RPAP2: variants seen among roughly 807,000 people sequenced by gnomAD.
The protein encoded by RPAP2 is RNA polymerase II associated protein 2, also known as putative RNA polymerase II subunit B1 CTD phosphatase RPAP2.
A neutral mutation model predicts 73.1 loss-of-function variants in RPAP2; 52 were observed. The ratio of observed to expected loss-of-function variants is 0.71; its 90% CI spans 0.57 to 0.90. The LOEUF is 0.90. Among genes scored for constraint, RPAP2 ranks in the 40% least tolerant of loss-of-function variants. The pLI, the probability that RPAP2 is intolerant of heterozygous loss-of-function variation, is 0.00. For synonymous variants in RPAP2, 225 were observed against 242.1 expected (o/e 0.93, Z 0.65); for missense variants, 598 against 701.8 (o/e 0.85, Z 1.67).
At position 92,380,810 on chromosome 1, in the gene RPAP2, ATCTAAAAAATGAAGACCTTGAAAG is replaced by A. The variant is rs1165347275; in HGVS notation, c.1781_1804del (p.Lys594_Leu601del). 6.2e-7 allele frequency: 1 copy of A among 1,607,694 alleles called. No individual in the cohort carries two copies. Among genetic ancestry groups the A allele is most frequent in the African/African-American group, 1.3e-5 (1 of 74,494 alleles). ...CTAGACACCCTCCTTGAAGAATTAC[ATCTAAAAAATGAAGACCTTGAAAG>A]TCTAACCATCATATTTAGAACCAGC... On this transcript the variant is annotated inframe_deletion, in exon 12 of 13. Coordinates refer to ENST00000610020, the MANE Select transcript of RPAP2 (RefSeq NM_024813.3).
rs1368229567 is a variant in RPAP2, at chr1:92,400,421, G to C, written c.*13410G>C. ...TATAGCCTCAGACTCCTGGCCTCAA[G>C]CGATCCTCCCACCTCAACCTCCAGA... On this transcript the variant is annotated 3_prime_UTR_variant, in exon 13 of 13. Coordinates refer to ENST00000610020, the MANE Select transcript of RPAP2 (RefSeq NM_024813.3). The C allele has an allele frequency of 6.6e-6, 1 of 152,360 alleles. No homozygotes were observed. Among genetic ancestry groups the C allele is most frequent in the Non-Finnish European group, 1.5e-5 (1 of 68,210 alleles). 9.4% of individuals were successfully genotyped at this position (152,360 alleles called of 1,614,324 possible). A position where few individuals can be genotyped will look rare whatever the true frequency, so the allele number is the denominator to read the frequency against.
At chr1:92,330,660 C>T (rs912040927) in intron 8 of RPAP2, among the ~76,000 whole-genome samples, 2 of 151,802 alleles carry the variant, frequency 1.3e-5, no homozygotes, top group Non-Finnish European at 2.9e-5. Context: ...TTGGCCAGGC[C>T]AGGTTGGTCT....
chr1:92,324,473 T>G lies in RPAP2; in HGVS notation c.1455+98T>G, dbSNP rs1471727757. 2.1e-5 allele frequency: 19 copies of G among 924,900 alleles called. No individual in the cohort carries two copies. The East Asian group carries it at 4.9e-4, about 24-fold the overall frequency. The allele number at this position is 924,900 out of a possible 1,614,324, so 57.3% of individuals were successfully genotyped here. On this transcript the variant is annotated intron_variant, in intron 8 of 12. Coordinates refer to ENST00000610020, the MANE Select transcript of RPAP2 (RefSeq NM_024813.3). ...AGGAAGGATATTGAAGAGTTAATTGTTAAATTTTCAAATAGTTTCTTTAGT... is the reference window on the plus strand; with the variant it reads ...AGGAAGGATATTGAAGAGTTAATTGGTAAATTTTCAAATAGTTTCTTTAGT...
intron 7 of RPAP2, among the ~76,000 whole-genome samples, chr1:92,322,643 G>C (rs890715134): frequency 3.9e-5 from 6 of 152,052 alleles, no homozygotes; most frequent in African/African-American, 1.2e-4. Flanking sequence ...GGGAGGCCAA[G>C]GTGGGCAAAT....
chr1:92,347,903 G>C (rs1653989532), intron 11 of RPAP2, among the ~76,000 whole-genome samples: 1 of 152,046 alleles, frequency 6.6e-6, no homozygotes, highest in Non-Finnish European at 1.5e-5. Context: ...TTCATATTGG[G>C]CAATCAATCT....
chr1:92,356,969 G>C (rs767655555), intron 11 of RPAP2, among the ~76,000 whole-genome samples: 5 of 151,886 alleles, frequency 3.3e-5, no homozygotes, highest in Non-Finnish European at 5.9e-5. Flanking sequence ...AGGATGCTGA[G>C]ACAGGAGAAT....
chr1:92,326,367 G>A (rs895915383), intron 8 of RPAP2, among the ~76,000 whole-genome samples: 5 of 152,172 alleles, frequency 3.3e-5, no homozygotes, highest in African/African-American at 1.2e-4. Context: ...GGAGATGGCA[G>A]GGGGGTGAAA....
chr1:92,361,060 T>C (rs995519393), intron 11 of RPAP2, among the ~76,000 whole-genome samples: 1 of 149,554 alleles, frequency 6.7e-6, no homozygotes, highest in African/African-American at 2.5e-5. Flanking sequence ...AACATGTAAT[T>C]TACCAAAAGC....
In RPAP2 at chr1:92,401,555, A is replaced by C. The variant is rs1440875280; in HGVS notation, c.*14544A>C. 3 of 152,206 alleles carry C rather than the reference A, an allele frequency of 2.0e-5. No individual in the cohort carries two copies. The highest frequency in any genetic ancestry group is 4.4e-5 in the Non-Finnish European group (3 of 68,032). 9.4% of individuals were successfully genotyped at this position (152,206 alleles called of 1,614,324 possible). A position where few individuals can be genotyped will look rare whatever the true frequency, so the allele number is the denominator to read the frequency against. ...CCTTACTGCCCTGGTTAGGACCTTC[A>C]GAACAATACTGGATATAAGTGGTGA... On this transcript the variant is annotated 3_prime_UTR_variant, in exon 13 of 13. Coordinates refer to ENST00000610020, the MANE Select transcript of RPAP2 (RefSeq NM_024813.3).
At chr1:92,326,579 T>C (rs1486226279) in intron 8 of RPAP2, among the ~76,000 whole-genome samples, 1 of 152,076 alleles carries the variant, frequency 6.6e-6, no homozygotes, top group East Asian at 1.9e-4. Context: ...AGGACCGTCA[T>C]GGGGGCAGGG....
chr1:92,312,649 T>C (rs1348611183), intron 6 of RPAP2, among the ~76,000 whole-genome samples: 2 of 152,114 alleles, frequency 1.3e-5, no homozygotes, highest in East Asian at 1.9e-4. Flanking sequence ...ATCTTCAAGC[T>C]CCACTTCTAA....
At chr1:92,373,754 A>T (rs990349936) in intron 11 of RPAP2, among the ~76,000 whole-genome samples, 3,137 of 145,002 alleles carry the variant, frequency 0.022, 120 homozygotes, top group African/African-American at 0.06. Flanking sequence ...AAAAAAAAAA[A>T]AAAAAAAAAA....
chr1:92,357,384 T>C (rs1048334121), intron 11 of RPAP2, among the ~76,000 whole-genome samples: 9 of 152,172 alleles, frequency 5.9e-5, no homozygotes, highest in African/African-American at 2.2e-4. Context: ...AAAGATCTGT[T>C]TGGGGGGCCA....
Position 92,331,184 on chromosome 1 carries a change from T to C in RPAP2, c.1456-2207T>C, listed in dbSNP as rs574308860. ...TGTCTTCCTGGTGAATTGAAACTCA[T>C]ATCACTATGGAGCAACCTTTCTATT... On this transcript the variant is annotated intron_variant, in intron 8 of 12. Transcript: ENST00000610020. Among the ~76,000 whole-genome samples the C allele has an allele frequency of 2.0e-5, 3 of 152,344 alleles. No individual in the cohort carries two copies. The South Asian group carries it at 6.2e-4, about 32-fold the overall frequency.
In RPAP2 at chr1:92,299,154, C is replaced by A; in HGVS notation, c.73+8C>A. On this transcript the variant is annotated splice_region_variant and intron_variant, in intron 1 of 12. Transcript: ENST00000610020. ...GCTCTCGAAAAGCCGCAGGTAGGAGCAAGGATCTCTTCCCACTTTTGGACC... is the reference window on the plus strand; with the variant it reads ...GCTCTCGAAAAGCCGCAGGTAGGAGAAAGGATCTCTTCCCACTTTTGGACC... The A allele has an allele frequency of 6.7e-7, 1 of 1,496,440 alleles. No individual in the cohort carries two copies. Among genetic ancestry groups the A allele is most frequent in the Non-Finnish European group, 9.0e-7 (1 of 1,114,898 alleles). The allele number at this position is 1,496,440 out of a possible 1,614,324, so 92.7% of individuals were successfully genotyped here.
At chr1:92,299,908 G>A (rs1650682818) in intron 1 of RPAP2, among the ~76,000 whole-genome samples, 1 of 152,158 alleles carries the variant, frequency 6.6e-6, no homozygotes, top group Admixed American at 6.5e-5. Context: ...TGAGAAATAA[G>A]TTGTTAGTCG....
chr1:92,306,336 C>T (rs1470164022), intron 5 of RPAP2, among the ~76,000 whole-genome samples: 1 of 152,208 alleles, frequency 6.6e-6, no homozygotes, highest in South Asian at 2.1e-4. Context: ...GTGCTATATA[C>T]TTAAAAATGC....
In RPAP2 at chr1:92,389,567, T is replaced by A. The variant is rs1655977200; in HGVS notation, c.*2556T>A. On this transcript the variant is annotated 3_prime_UTR_variant, in exon 13 of 13. Transcript: ENST00000610020. ...GTTTGACAAGTTGACAGAAGTAGGC[T>A]TCAGAAGGTCGGTAATAACAAACTT... is the stretch of plus-strand genomic sequence containing the variant. The A allele has an allele frequency of 6.6e-6, 1 of 152,190 alleles. No homozygotes were observed. The highest frequency in any genetic ancestry group is 2.1e-4 in the South Asian group (1 of 4,830). 9.4% of individuals were successfully genotyped at this position (152,190 alleles called of 1,614,324 possible).
chr1:92,375,383 C>T (rs986465731), intron 11 of RPAP2, among the ~76,000 whole-genome samples: 15 of 152,104 alleles, frequency 9.9e-5, no homozygotes, highest in African/African-American at 4.8e-5. Flanking sequence ...GTGGATTCAG[C>T]GAATCACAGA....
Sources: allele counts gnomAD v4.1 joint callset (sites outside exome capture counted in the v4.1 genomes callset), GRCh38; gene constraint gnomAD v4.1.1; transcripts MANE v1.5; gene names NCBI Gene and HGNC (gene_info 2026-07-23, HGNC 2026-07-21).